ARHGAP22: variants seen among roughly 807,000 people sequenced by gnomAD.
ARHGAP22 encodes the protein Rho GTPase activating protein 22.
Under a neutral mutation model 59.1 loss-of-function variants are expected in ARHGAP22, and 48 were observed. The ratio of observed to expected loss-of-function variants is 0.81; its 90% confidence interval spans 0.64 to 1.03. The LOEUF is 1.03. Among genes scored for constraint, ARHGAP22 ranks in the 50% least tolerant of loss-of-function variants. The pLI, the probability that ARHGAP22 is intolerant of heterozygous loss-of-function variation, is 0.00. For missense variants in ARHGAP22, 1,015 were observed against 958.7 expected (o/e 1.06, Z -0.78); for synonymous variants, 445 against 416.4 (o/e 1.07, Z -0.84).
At chr10:48,549,615 C>T (rs2056740457) in intron 3 of ARHGAP22, among the ~76,000 whole-genome samples, 1 of 152,124 alleles carries the variant, frequency 6.6e-6, no homozygotes, top group Non-Finnish European at 1.5e-5. Context: ...AGGCAAGTGG[C>T]CTAGGGATTA....
intron 3 of ARHGAP22, among the ~76,000 whole-genome samples, chr10:48,532,333 A>C (rs1424490121): frequency 6.7e-6 from 1 of 148,252 alleles, no homozygotes; most frequent in Non-Finnish European, 1.5e-5. Flanking sequence ...CCCTGCCCCC[A>C]CCCCCTTCTC....
intron 3 of ARHGAP22, among the ~76,000 whole-genome samples, chr10:48,520,757 A>AGCT (rs888015268): frequency 1.3e-5 from 2 of 152,086 alleles, no homozygotes; most frequent in African/African-American, 4.8e-5. Context: ...GGCAAGGAAG[A>AGCT]GCTGCTGCTG....
intron 9 of ARHGAP22, 32 bp downstream of exon 9, chr10:48,450,229 G>T (rs750690068): frequency 1.9e-6 from 3 of 1,601,096 alleles, no homozygotes; most frequent in Non-Finnish European, 2.6e-6. Context: ...GCTCCGCCCC[G>T]TCACAGGAGG....
chr10:48,541,941 CTG>C (rs1249178560), intron 3 of ARHGAP22, among the ~76,000 whole-genome samples: 1 of 152,174 alleles, frequency 6.6e-6, no homozygotes, highest in African/African-American at 2.4e-5. Context: ...GAAGAGCCAC[CTG>C]TGAAGTGTAT....
chr10:48,479,918 A>G (rs555630901), intron 3 of ARHGAP22, among the ~76,000 whole-genome samples, 154 bp from the exon 4 acceptor site: 1 of 152,170 alleles, frequency 6.6e-6, no homozygotes, highest in Non-Finnish European at 1.5e-5. Flanking sequence ...CATCCCTTTC[A>G]CAACTCATAT....
chr10:48,516,907 C>A (rs1465230784), intron 3 of ARHGAP22, among the ~76,000 whole-genome samples: 1 of 152,136 alleles, frequency 6.6e-6, no homozygotes, highest in Non-Finnish European at 1.5e-5. Flanking sequence ...CATATTCATA[C>A]TATGGAATAT....
rs367703113 is a variant in ARHGAP22, at chr10:48,604,813, G to A, written c.-17C>T. 130 of 1,614,172 alleles carry A rather than the reference G, an allele frequency of 8.1e-5. 2 individuals are homozygous for A. The South Asian group carries it at 8.9e-4, about 11-fold the overall frequency. On this transcript the variant is annotated 5_prime_UTR_variant, in exon 1 of 10. Transcript: ENST00000249601. Reference sequence around the variant, plus strand: ...GCTCAGCATGTTCTTGCAGCCGTCCGGCCAGCCCCGCAGGGCCGTTCATGC... The same window carrying A: ...GCTCAGCATGTTCTTGCAGCCGTCCAGCCAGCCCCGCAGGGCCGTTCATGC...
intron 2 of ARHGAP22, among the ~76,000 whole-genome samples, chr10:48,574,386 C>T (rs1014293042): frequency 6.6e-6 from 1 of 152,106 alleles, no homozygotes; most frequent in Non-Finnish European, 1.5e-5. Context: ...GAATGGAGAA[C>T]AGAAATTAAA....
At chr10:48,504,478 G>A (rs2051870188) in intron 3 of ARHGAP22, among the ~76,000 whole-genome samples, 1 of 152,212 alleles carries the variant, frequency 6.6e-6, no homozygotes. Context: ...GAGCTCAGAT[G>A]GATGGGATAA....
intron 3 of ARHGAP22, among the ~76,000 whole-genome samples, chr10:48,512,601 A>G (rs11591281): frequency 0.19 from 28,963 of 152,238 alleles, 2,986 homozygotes; most frequent in Non-Finnish European, 0.24. Flanking sequence ...TGTGCTAGCA[A>G]TCTTACACAC....
chr10:48,628,718 C>A (rs962413256), intron 1 of ARHGAP22, among the ~76,000 whole-genome samples: 2 of 152,090 alleles, frequency 1.3e-5, no homozygotes, highest in African/African-American at 4.8e-5. Flanking sequence ...TATATTAAAC[C>A]AATAGGATTT....
At chr10:48,516,875 T>A (rs1191294404) in intron 3 of ARHGAP22, among the ~76,000 whole-genome samples, 1 of 152,122 alleles carries the variant, frequency 6.6e-6, no homozygotes, top group Non-Finnish European at 1.5e-5. Context: ...AATCTACTGA[T>A]GAATGGATAA....
At chr10:48,655,015 T>TCCC (rs2062730778), upstream of ARHGAP22, among the ~76,000 whole-genome samples, 2 of 65,774 alleles carry the variant, frequency 3.0e-5, no homozygotes, top group African/African-American at 1.2e-4. Flanking sequence ...TTTCTCTTTC[T>TCCC]TTCTTTCTTT....
At chr10:48,639,587 AC>A (rs1261876157) in intron 1 of ARHGAP22, among the ~76,000 whole-genome samples, 1 of 152,156 alleles carries the variant, frequency 6.6e-6, no homozygotes, top group Non-Finnish European at 1.5e-5. Context: ...AACAAGAGTG[AC>A]CCCTAGGAAG....
rs528378504 is a variant in ARHGAP22 at position 48,450,465 on chromosome 10, G to C, written c.1664C>G (p.Pro555Arg). The change falls in exon 9 of 10, where the codon CCC becomes CGC. Residue 555 changes from proline (P) to arginine (R), a missense_variant. Physicochemically the swap from Pro to Arg is moderately radical, Grantham distance 103. Transcript: ENST00000249601. ...TDWALEPSPL[P>R]SSSEDPKSLD... is the part of the protein sequence containing the mutation. ...GGACTTGGGGTCCTCGCTGCTGCTG[G>C]GGAGCGGGGAGGGCTCCAGGGCCCA... 6.5e-7 allele frequency: 1 copy of C among 1,543,830 alleles called. No individual in the cohort carries two copies. The highest frequency in any genetic ancestry group is 8.7e-7 in the Non-Finnish European group (1 of 1,143,588).
chr10:48,474,915 CT>C (rs2048569053), intron 4 of ARHGAP22, among the ~76,000 whole-genome samples: 1 of 152,344 alleles, frequency 6.6e-6, no homozygotes, highest in East Asian at 1.9e-4. Context: ...CAATAATTCT[CT>C]GTCCCTCCTA....
chr10:48,586,577 G>A (rs1249796158), intron 1 of ARHGAP22, among the ~76,000 whole-genome samples: 1 of 152,148 alleles, frequency 6.6e-6, no homozygotes, highest in Non-Finnish European at 1.5e-5. Context: ...ACTATACACT[G>A]CCTTCTAGAG....
chr10:48,559,527 C>T (rs1196929548), intron 2 of ARHGAP22, among the ~76,000 whole-genome samples: 1 of 152,160 alleles, frequency 6.6e-6, no homozygotes. Flanking sequence ...TGCAAAATTG[C>T]TTTCAAAAAG....
chr10:48,546,311 T>C (rs922178695), intron 3 of ARHGAP22, among the ~76,000 whole-genome samples: 2 of 152,252 alleles, frequency 1.3e-5, no homozygotes, highest in African/African-American at 4.8e-5. Context: ...TGGTCTACCC[T>C]GAGTGATCTT....
Sources: gnomAD v4.1 joint callset for allele counts (sites outside exome capture counted in the v4.1 genomes callset) on GRCh38, gnomAD v4.1.1 for gene constraint, MANE v1.5 for transcripts, NCBI Gene and HGNC (gene_info 2026-07-23, HGNC 2026-07-21) for gene names.